The following FARS2 variants were observed in gnomAD, a reference collection of about 807,000 sequenced individuals.
FARS2 encodes phenylalanine--tRNA ligase, mitochondrial.
A neutral mutation model predicts 46.4 loss-of-function variants in FARS2; 40 were observed. The ratio of observed to expected loss-of-function variants is 0.86; its 90% CI spans 0.67 to 1.12. The LOEUF (loss-of-function observed/expected upper bound fraction) is 1.12. FARS2 is among the 50% of genes most tolerant of loss of function. The probability of loss-of-function intolerance (pLI) is 0.00; values close to 1 mark genes in which losing one functional copy is unlikely to be tolerated. For missense variants in FARS2, 513 were observed against 567.9 expected (o/e 0.90, Z 0.98); for synonymous variants, 234 against 214.9 (o/e 1.09, Z -0.78).
intron 3 of FARS2, among the ~76,000 whole-genome samples, chr6:5,405,489 T>TTTTTTTTTTTTTTG (rs1761527086): frequency 7.7e-6 from 1 of 129,234 alleles, no homozygotes; most frequent in Non-Finnish European, 1.6e-5. Context: ...TCTTTTTTTT[T>TTTTTTTTTTTTTTG]TTTTTTTTTT....
chr6:5,465,519 T>C (rs779384394), intron 4 of FARS2, among the ~76,000 whole-genome samples: 4 of 152,198 alleles, frequency 2.6e-5, no homozygotes, highest in Non-Finnish European at 4.4e-5. Flanking sequence ...TCAGACTATA[T>C]CTCCAATCGA....
chr6:5,708,510 T>C (rs890856051), intron 6 of FARS2, among the ~76,000 whole-genome samples: 3 of 152,116 alleles, frequency 2.0e-5, no homozygotes, highest in African/African-American at 7.2e-5. Context: ...GGGGGCTCAG[T>C]CATGGAAACT....
intron 4 of FARS2, among the ~76,000 whole-genome samples, chr6:5,445,987 C>A (rs1764163204): frequency 1.3e-5 from 2 of 152,152 alleles, no homozygotes; most frequent in Admixed American, 1.3e-4. Flanking sequence ...ATCACGAGGT[C>A]AGGAGATCAA....
intron 6 of FARS2, among the ~76,000 whole-genome samples, chr6:5,692,056 G>T (rs1757769645): frequency 6.6e-6 from 1 of 152,200 alleles, no homozygotes; most frequent in Admixed American, 6.5e-5. Context: ...ATTAGGGTGG[G>T]AGTGACCCGA....
chr6:5,620,243 A>C (rs969434545), intron 6 of FARS2, among the ~76,000 whole-genome samples: 6 of 152,120 alleles, frequency 3.9e-5, no homozygotes, highest in African/African-American at 1.4e-4. Flanking sequence ...TGACAACTAA[A>C]AATATCTCCA....
chr6:5,654,830 C>T (rs988631243), intron 6 of FARS2, among the ~76,000 whole-genome samples: 3 of 152,142 alleles, frequency 2.0e-5, no homozygotes, highest in African/African-American at 7.2e-5. Flanking sequence ...GCAAGACCAA[C>T]CTCTCCTCTT....
At chr6:5,383,096 C>A (rs748968727) in intron 2 of FARS2, among the ~76,000 whole-genome samples, 4 of 152,234 alleles carry the variant, frequency 2.6e-5, no homozygotes, top group Admixed American at 6.5e-5. Flanking sequence ...TCTGGGCACC[C>A]TGTGACCCCG....
At chr6:5,344,937 G>A (rs1023468737) in intron 1 of FARS2, among the ~76,000 whole-genome samples, 1 of 151,738 alleles carries the variant, frequency 6.6e-6, no homozygotes, top group Admixed American at 6.6e-5. Context: ...ATACAGGTGC[G>A]TAACACCACA....
chr6:5,256,217 C>T (rs139255837), upstream of FARS2, among the ~76,000 whole-genome samples: 961 of 151,928 alleles, frequency 6.3e-3, 12 homozygotes, highest in African/African-American at 0.022. Context: ...TGGCCAGGCG[C>T]GGTGGCTCAT....
chr6:5,371,079 A>C (rs1425786830), intron 2 of FARS2: 2 of 431,156 alleles, frequency 4.6e-6, no homozygotes, highest in East Asian at 3.1e-4. Flanking sequence ...TTCTGAATTC[A>C]TTGCCTGTTT....
intron 4 of FARS2, among the ~76,000 whole-genome samples, chr6:5,539,382 G>GTATATATATATATATATA: frequency 1.6e-5 from 1 of 61,772 alleles, no homozygotes; most frequent in Non-Finnish European, 2.7e-5. Context: ...AATTTTTTTT[G>GTATATATATATATATATA]TGTATATATA....
intron 6 of FARS2, among the ~76,000 whole-genome samples, chr6:5,710,760 C>G (rs1334134588): frequency 1.3e-5 from 2 of 152,204 alleles, no homozygotes; most frequent in African/African-American, 4.8e-5. Flanking sequence ...CGGCTGGGCA[C>G]TGATCGATAT....
At chr6:5,651,339 T>C (rs1036381641) in intron 6 of FARS2, among the ~76,000 whole-genome samples, 2 of 152,208 alleles carry the variant, frequency 1.3e-5, no homozygotes, top group Admixed American at 1.3e-4. Flanking sequence ...ATTGAAAATG[T>C]GTTTGAGGAG....
At chr6:5,498,879 C>A (rs1016134086) in intron 4 of FARS2, among the ~76,000 whole-genome samples, 2 of 152,196 alleles carry the variant, frequency 1.3e-5, no homozygotes, top group Non-Finnish European at 2.9e-5. Context: ...AAGGCAGTTG[C>A]ATTTCCATTG....
intron 5 of FARS2, among the ~76,000 whole-genome samples, chr6:5,557,003 G>T (rs1294867758): frequency 1.3e-5 from 2 of 152,092 alleles, no homozygotes. Flanking sequence ...CACCTAAACT[G>T]TACATTTAAT....
chr6:5,730,333 G>T (rs1760543055), intron 6 of FARS2, among the ~76,000 whole-genome samples: 1 of 152,180 alleles, frequency 6.6e-6, no homozygotes, highest in African/African-American at 2.4e-5. Context: ...TGAGCAAGCT[G>T]GATAAGATCC....
chr6:5,450,700 C>T (rs749117588), intron 4 of FARS2, among the ~76,000 whole-genome samples: 4 of 12,098 alleles, frequency 3.3e-4, no homozygotes, highest in Non-Finnish European at 5.8e-4. Context: ...GGTAGTGTGC[C>T]GCCTGTTAGT....
intron 6 of FARS2, among the ~76,000 whole-genome samples, chr6:5,655,205 C>T (rs1208296943): frequency 1.3e-5 from 2 of 152,180 alleles, no homozygotes; most frequent in Non-Finnish European, 2.9e-5. Flanking sequence ...GAAAAAATTT[C>T]TAGCCAAATT....
chr6:5,432,415 A>C (rs1763261395), intron 4 of FARS2, among the ~76,000 whole-genome samples: 1 of 127,464 alleles, frequency 7.8e-6, no homozygotes, highest in Non-Finnish European at 1.6e-5. Flanking sequence ...TATTATATAT[A>C]ATATATAATA....
Sources: allele counts gnomAD v4.1 joint callset (sites outside exome capture counted in the v4.1 genomes callset), GRCh38; gene constraint gnomAD v4.1.1; transcripts MANE v1.5; gene names NCBI Gene and HGNC (gene_info 2026-07-23, HGNC 2026-07-21).